The following SLC38A12 variants were observed in gnomAD, a reference collection of about 807,000 sequenced individuals.
SLC38A12 encodes the protein solute carrier family 38 member 12.
chr17:74,815,513 T>C, the SLC38A12 span, among the ~76,000 whole-genome samples: 2 of 152,220 alleles, frequency 1.3e-5, no homozygotes, highest in Non-Finnish European at 1.5e-5. Context: ...ATCTACCCGC[T>C]TTACTTTTGT....
chr17:74,836,875 A>G, the SLC38A12 span: 1 of 1,363,434 alleles, frequency 7.3e-7, no homozygotes, highest in South Asian at 2.0e-5. This position sits in a 1 kb window ranked among gnomAD's most constrained non-coding sequence, Gnocchi z 4.2. Flanking sequence ...ACCTGTCCTC[A>G]CTCCCCCGGG....
chr17:74,777,547 G>A, the SLC38A12 span: 1 of 1,538,278 alleles, frequency 6.5e-7, no homozygotes, highest in African/African-American at 1.4e-5. Flanking sequence ...TGGTGGCTCA[G>A]AATGTAAGTC....
the SLC38A12 span, among the ~76,000 whole-genome samples, chr17:74,812,685 C>G: frequency 2.0e-4 from 31 of 152,294 alleles, no homozygotes; most frequent in Non-Finnish European, 4.3e-4. Context: ...CTGCGCCCTC[C>G]TCACTCCAAG....
chr17:74,826,759 G>T, the SLC38A12 span, among the ~76,000 whole-genome samples: 1 of 152,218 alleles, frequency 6.6e-6, no homozygotes, highest in African/African-American at 2.4e-5. Context: ...AGGCTCCAAA[G>T]ACCCTGTCTC....
At chr17:74,788,819 C>T in the SLC38A12 span, 1 of 1,613,594 alleles carries the variant, frequency 6.2e-7, no homozygotes, top group Admixed American at 1.7e-5. Context: ...TGATAGAGGC[C>T]ATGGCTGCAG....
chr17:74,794,111 T>C, the SLC38A12 span, among the ~76,000 whole-genome samples: 73 of 152,348 alleles, frequency 4.8e-4, no homozygotes, highest in Admixed American at 4.6e-4. Flanking sequence ...CCTTAGGTCA[T>C]AGGGCCCTGC....
the SLC38A12 span, among the ~76,000 whole-genome samples, chr17:74,821,545 A>C: frequency 6.6e-6 from 1 of 152,152 alleles, no homozygotes; most frequent in Non-Finnish European, 1.5e-5. Flanking sequence ...GCCAGGAGGG[A>C]TTGTGTCCAG....
At chr17:74,835,651 C>T in the SLC38A12 span, among the ~76,000 whole-genome samples, 2 of 152,124 alleles carry the variant, frequency 1.3e-5, no homozygotes, top group Non-Finnish European at 2.9e-5. Flanking sequence ...TCTGCAAAGC[C>T]GGACCACCCT....
the SLC38A12 span, chr17:74,790,847 G>T: frequency 1.1e-6 from 1 of 892,924 alleles, no homozygotes; most frequent in Non-Finnish European, 1.7e-6. Flanking sequence ...TCTCGAGTTT[G>T]GACACTTGGG....
At chr17:74,786,413 C>T in the SLC38A12 span, among the ~76,000 whole-genome samples, 1 of 152,236 alleles carries the variant, frequency 6.6e-6, no homozygotes, top group Non-Finnish European at 1.5e-5. Context: ...CTTCTGGGTA[C>T]TGAGGGGGCC....
the SLC38A12 span, among the ~76,000 whole-genome samples, chr17:74,816,677 G>GT: frequency 0.02 from 3,007 of 150,366 alleles, 78 homozygotes; most frequent in African/African-American, 0.065. Context: ...TTCTTTTTTC[G>GT]TTTTTTTTTG....
chr17:74,785,802 C>T, the SLC38A12 span: 10 of 631,642 alleles, frequency 1.6e-5, no homozygotes, highest in African/African-American at 5.5e-5. Flanking sequence ...CTTTGTGGAG[C>T]GGTTGCACAG....
At chr17:74,785,460 A>T in the SLC38A12 span, 1 of 1,605,040 alleles carries the variant, frequency 6.2e-7, no homozygotes. Context: ...CCGGGCTTGA[A>T]TGTTGCCTCT....
At chr17:74,831,360 C>T in the SLC38A12 span, among the ~76,000 whole-genome samples, 1 of 152,212 alleles carries the variant, frequency 6.6e-6, no homozygotes, top group African/African-American at 2.4e-5. Context: ...CCAGGGGAAA[C>T]TCAGTCCATT....
chr17:74,787,623 C>T, the SLC38A12 span, among the ~76,000 whole-genome samples: 3,038 of 101,104 alleles, frequency 0.03, 124 homozygotes, highest in African/African-American at 0.099. Context: ...AGCGAGACTC[C>T]GTCTCAAAAA....
At chr17:74,813,649 C>T in the SLC38A12 span, among the ~76,000 whole-genome samples, 4 of 151,952 alleles carry the variant, frequency 2.6e-5, no homozygotes, top group South Asian at 2.1e-4. Flanking sequence ...TACAGGCACC[C>T]GCCACCACGC....
chr17:74,804,125 G>A, the SLC38A12 span, among the ~76,000 whole-genome samples: 1 of 152,254 alleles, frequency 6.6e-6, no homozygotes, highest in South Asian at 2.1e-4. Flanking sequence ...TGGTGGCCCT[G>A]CCAAGTTTTG....
At chr17:74,823,832 C>G in the SLC38A12 span, among the ~76,000 whole-genome samples, 1 of 152,264 alleles carries the variant, frequency 6.6e-6, no homozygotes, top group African/African-American at 2.4e-5. Context: ...TTGTTCCCCC[C>G]GTGTGGGACA....
chr17:74,829,669 C>T, the SLC38A12 span, among the ~76,000 whole-genome samples: 1 of 152,160 alleles, frequency 6.6e-6, no homozygotes, highest in African/African-American at 2.4e-5. This position sits in a 1 kb window ranked among gnomAD's most constrained non-coding sequence, Gnocchi z 4.1. Flanking sequence ...GACTCAGTGC[C>T]TCAGCATCGC....
Sources: gnomAD v4.1 joint callset for allele counts (sites outside exome capture counted in the v4.1 genomes callset) on GRCh38, gnomAD v4.1.1 for gene constraint, Gnocchi (gnomAD v3.1) non-coding constraint, MANE v1.5 for transcripts, NCBI Gene and HGNC (gene_info 2026-07-23, HGNC 2026-07-21) for gene names.